SART1: variants seen among roughly 807,000 people sequenced by gnomAD.
The protein encoded by SART1 is spliceosome associated factor 1, recruiter of U4/U6.U5 tri-snRNP, also known as U4/U6.U5 tri-snRNP-associated protein 1.
A neutral mutation model predicts 105.0 loss-of-function variants in SART1; 28 were observed. That is an observed-to-expected ratio of 0.27 (90% CI 0.20 to 0.37). The LOEUF is 0.37. Among genes scored for constraint, SART1 ranks in the 10% least tolerant of loss-of-function variants. The pLI is 1.00. For missense variants in SART1, 894 were observed against 1,106.5 expected, an observed-to-expected ratio of 0.81 and a Z score of 2.72; for synonymous variants, 472 against 462.9, an observed-to-expected ratio of 1.02 and a Z score of -0.25.
At chr11:65,966,594 C>G (rs1855264902) in intron 9 of SART1, 38 bp downstream of exon 9, 1 of 1,450,870 alleles carries the variant, frequency 6.9e-7, no homozygotes, top group Non-Finnish European at 9.1e-7. Context: ...GGTCAAGATT[C>G]TCCCTCCCTC....
intron 12 of SART1, among the ~76,000 whole-genome samples, chr11:65,970,723 C>A (rs1481638195): frequency 6.7e-6 from 1 of 149,726 alleles, no homozygotes; most frequent in Non-Finnish European, 1.5e-5. Context: ...AAGAGCAGGC[C>A]TGCCAGTGGC....
chr11:65,976,854 C>T lies in SART1; in HGVS notation c.1857+88C>T. 7.9e-7 allele frequency: 1 copy of T among 1,259,718 alleles called. No homozygotes were observed. The highest frequency in any genetic ancestry group is 1.3e-5 in the South Asian group (1 of 74,702). The allele number at this position is 1,259,718 out of a possible 1,614,324, so 78.0% of individuals were successfully genotyped here. On this transcript the variant is annotated intron_variant, in intron 14 of 19. Coordinates refer to ENST00000312397, the MANE Select transcript of SART1 (RefSeq NM_005146.5). This position sits in a 1 kb window ranked among gnomAD's most constrained non-coding sequence, Gnocchi z 5.1. ...GCTCGGTGTCCAGAGCCTCAGCCTC[C>T]TCATCCAGAGTGGGCTCTGCAGACC...
In SART1 at chr11:65,978,822, G is replaced by A. The variant is rs557614243; in HGVS notation, c.2292G>A (p.Thr764=). ...TGAAGAAGATGAGCTCCAGCGACAC[G>A]CCCCTGGGCACCGTGGCCCTGCTCC... is the stretch of plus-strand genomic sequence containing the variant. ...ALLKKMSSSD[T]PLGTVALLQE... Residue 764 remains threonine, a synonymous_variant, in exon 19 of 20, where the codon ACG becomes ACA. Transcript: ENST00000312397. This position sits in a 1 kb window ranked among gnomAD's most constrained non-coding sequence, Gnocchi z 6.8. The A allele has an allele frequency of 4.0e-5, 65 of 1,614,026 alleles. No individual in the cohort carries two copies. The highest frequency in any genetic ancestry group is 3.3e-4 in the Middle Eastern group (2 of 6,060).
At chr11:65,963,970 G>C (rs1482798591) in intron 1 of SART1, 104 bp from the exon 2 acceptor site, 1 of 912,590 alleles carries the variant, frequency 1.1e-6, no homozygotes, top group East Asian at 2.6e-5. Flanking sequence ...AGCAGGCCCA[G>C]GTGCTGGTGA....
Position 65,964,107 on chromosome 11 carries a change from C to T in SART1, c.347C>T (p.Ser116Phe), listed in dbSNP as rs764703889. ...ASSKTSSGDA[S>F]SLSIEETNKL... is the part of the protein sequence containing the mutation. ...TCCAAAACTAGCTCAGGCGATGCCT[C>T]CTCACTCAGCATCGAGGAGACTAAG... Residue 116 changes from serine (S) to phenylalanine (F), a missense_variant, in exon 2 of 20, where the codon TCC (serine) becomes TTC (phenylalanine). Ser to Phe is a radical substitution (Grantham distance 155). This residue lies in a region of SART1 where 712 missense variants were observed against 778.2 expected (regional missense o/e 0.91). Transcript: ENST00000312397. 2 of 1,613,164 alleles carry T rather than the reference C, an allele frequency of 1.2e-6. No individual in the cohort carries two copies. Among genetic ancestry groups the T allele is most frequent in the Non-Finnish European group, 1.7e-6 (2 of 1,180,008 alleles).
chr11:65,963,086 G>A (rs962886938), intron 1 of SART1, among the ~76,000 whole-genome samples: 2 of 152,132 alleles, frequency 1.3e-5, no homozygotes, highest in African/African-American at 4.8e-5. Context: ...GTCAGTATCT[G>A]GGTGGCCAGT....
chr11:65,967,259 G>A lies in SART1; in HGVS notation c.1189G>A (p.Val397Met). ...ASEYLTPEEM[V>M]TFKKTKRRVK... ...CATGTCTCGCCCCTCTTCCCTTAAG[G>A]TGACCTTTAAAAAGACCAAGCGGAG... The change falls in exon 10 of 20, where the codon GTG (valine) becomes ATG (methionine). Residue 397 changes from valine (V) to methionine (M), a missense_variant and splice_region_variant. Coordinates refer to ENST00000312397, the MANE Select transcript of SART1 (RefSeq NM_005146.5). The A allele has an allele frequency of 6.2e-7, 1 of 1,613,902 alleles. No individual in the cohort carries two copies.
At position 65,962,066 on chromosome 11, in the gene SART1, G is replaced by A. The variant is rs1438602955; in HGVS notation, c.286G>A (p.Glu96Lys). 16 of 1,391,424 alleles carry A rather than the reference G, an allele frequency of 1.1e-5. No homozygotes were observed. The highest frequency in any genetic ancestry group is 1.5e-5 in the Non-Finnish European group (16 of 1,066,078). The allele number at this position is 1,391,424 out of a possible 1,614,324, so 86.2% of individuals were successfully genotyped here. Residue 96 changes from glutamate (E) to lysine (K), a missense_variant, in exon 1 of 20, where the codon GAG (glutamate) becomes AAG (lysine). Around this residue, in one of 2 missense-constraint regions of SART1, gnomAD observed 712 missense variants for 778.2 expected, o/e 0.91. Coordinates refer to ENST00000312397, the MANE Select transcript of SART1 (RefSeq NM_005146.5). ...GCCCTCCGAGCGGCGCGTGAAGCGGGAGAAGCGCGATGACGGCTACGAGGC... is the reference window on the plus strand; with the variant it reads ...GCCCTCCGAGCGGCGCGTGAAGCGGAAGAAGCGCGATGACGGCTACGAGGC... ...AEPSERRVKREKRDDGYEAAA... is the reference protein window; with the variant it reads ...AEPSERRVKRKKRDDGYEAAA...
In SART1 at chr11:65,961,824, GGAC is replaced by G. The variant is rs750993563; in HGVS notation, c.49_51del (p.Thr17del). The G allele has an allele frequency of 6.4e-7, 1 of 1,566,462 alleles. No homozygotes were observed. The highest frequency in any genetic ancestry group is 8.6e-7 in the Non-Finnish European group (1 of 1,162,210). On this transcript the variant is annotated inframe_deletion, in exon 1 of 20. Coordinates refer to ENST00000312397, the MANE Select transcript of SART1 (RefSeq NM_005146.5). ...CATCGCGGAGAGAAGGAGGCGGCCG[GGAC>G]GACGGCGGCGGCCGGCACCGGGGGT...
chr11:65,965,047 C>G, intron 3 of SART1, 45 bp from the exon 4 acceptor site: 1 of 1,534,314 alleles, frequency 6.5e-7, no homozygotes, highest in South Asian at 1.3e-5. Flanking sequence ...CCTCTCCCCA[C>G]CAGCCATGGG....
In SART1 at chr11:65,964,515, C is replaced by A; in HGVS notation, c.372C>A (p.Asn124Lys). ...DASSLSIEET[N>K]KLRAKLGLKP... ...TAACACTTGTATCTCTTGTTGTCAG[C>A]AAACTCCGGGCAAAGTTGGGGCTGA... Residue 124 changes from asparagine to lysine, a missense_variant and splice_region_variant, in exon 3 of 20, where the codon AAC becomes AAA. Asn to Lys is a moderately conservative substitution (Grantham distance 94). This residue lies in a region of SART1 where 712 missense variants were observed against 778.2 expected (regional missense o/e 0.91). Coordinates refer to ENST00000312397, the MANE Select transcript of SART1 (RefSeq NM_005146.5). The A allele has an allele frequency of 1.2e-6, 2 of 1,613,258 alleles. No homozygotes were observed. The highest frequency in any genetic ancestry group is 1.7e-6 in the Non-Finnish European group (2 of 1,179,802).
chr11:65,962,349 A>G (rs1197619868), intron 1 of SART1, among the ~76,000 whole-genome samples: 2 of 152,210 alleles, frequency 1.3e-5, no homozygotes, highest in South Asian at 2.1e-4. Context: ...AAGTCTTTCT[A>G]CGGTTGTTTA....
chr11:65,974,386 AAAAAAC>A (rs1344578985), intron 12 of SART1, among the ~76,000 whole-genome samples: 2 of 149,746 alleles, frequency 1.3e-5, no homozygotes, highest in African/African-American at 2.5e-5. Flanking sequence ...AAAAAAAAAA[AAAAAAC>A]CATATCAGCC....
intron 12 of SART1, among the ~76,000 whole-genome samples, chr11:65,969,320 G>T (rs898358997): frequency 6.6e-6 from 1 of 152,180 alleles, no homozygotes; most frequent in African/African-American, 2.4e-5. Context: ...GACATAGTTT[G>T]CCCGGCTAAA....
At chr11:65,973,227 C>T (rs1855417262) in intron 12 of SART1, among the ~76,000 whole-genome samples, 1 of 151,640 alleles carries the variant, frequency 6.6e-6, no homozygotes, top group Non-Finnish European at 1.5e-5. Context: ...TTTTACAAAA[C>T]ATACCATGAA....
intron 12 of SART1, among the ~76,000 whole-genome samples, chr11:65,971,975 G>A (rs1855387714): frequency 6.6e-6 from 1 of 152,006 alleles, no homozygotes; most frequent in African/African-American, 2.4e-5. Context: ...CCAGGCTGGG[G>A]TGCAGTGACT....
At chr11:65,964,963 T>G in intron 3 of SART1, 129 bp from the exon 4 acceptor site, 2 of 1,195,612 alleles carry the variant, frequency 1.7e-6, no homozygotes, top group East Asian at 2.7e-5. Context: ...AGCAGGGAGG[T>G]GAAGGATTGT....
In SART1 at chr11:65,967,536, C is replaced by T; in HGVS notation, c.1379C>T (p.Pro460Leu). ...VEEEKEPVPQ[P>L]LPSDDTRVEN... Reference sequence around the variant, plus strand: ...GAGGAGAAGGAGCCTGTGCCTCAGCCCCTGCCGTCGGACGACACCCGAGTG... The same window carrying T: ...GAGGAGAAGGAGCCTGTGCCTCAGCTCCTGCCGTCGGACGACACCCGAGTG... The change falls in exon 11 of 20, where the codon CCC becomes CTC. Residue 460 changes from proline to leucine, a missense_variant. Pro to Leu is a moderately conservative substitution (Grantham distance 98). Transcript: ENST00000312397. 6.2e-7 allele frequency: 1 copy of T among 1,612,912 alleles called. No individual in the cohort carries two copies. The highest frequency in any genetic ancestry group is 1.1e-5 in the South Asian group (1 of 91,056).
intron 12 of SART1, among the ~76,000 whole-genome samples, chr11:65,975,430 T>TC (rs56159637): frequency 0.039 from 5,828 of 148,052 alleles, 205 homozygotes; most frequent in East Asian, 0.14. Flanking sequence ...TTTTTTTTTT[T>TC]CGAGACGGGG....
Sources: gnomAD v4.1 joint callset for allele counts (sites outside exome capture counted in the v4.1 genomes callset) on GRCh38, gnomAD v4.1.1 for gene constraint, gnomAD v4.1.1 regional missense constraint, Gnocchi (gnomAD v3.1) non-coding constraint, MANE v1.5 for transcripts, NCBI Gene and HGNC (gene_info 2026-07-23, HGNC 2026-07-21) for gene names.